Variants in SPTLC3 observed in about 807,000 individuals in gnomAD.
SPTLC3 encodes serine palmitoyltransferase long chain base subunit 3, also known as serine palmitoyltransferase 3.
SPTLC3 carries 36 observed loss-of-function variants against 59.3 expected under a neutral mutation model. That is an observed-to-expected ratio of 0.61 (90% CI 0.47 to 0.80). The LOEUF (loss-of-function observed/expected upper bound fraction) is 0.80. Ranked by LOEUF, SPTLC3 falls within the 30% of genes least tolerant of loss-of-function variation. SPTLC3 has a pLI of 0.00. For missense variants in SPTLC3, 625 were observed against 685.1 expected, an observed-to-expected ratio of 0.91 and a Z score of 0.98; for synonymous variants, 257 against 240.8, an observed-to-expected ratio of 1.07 and a Z score of -0.62.
chr20:13,096,295 A>G (rs1989409536), intron 6 of SPTLC3, among the ~76,000 whole-genome samples: 1 of 152,186 alleles, frequency 6.6e-6, no homozygotes. Flanking sequence ...AAGAGGAATG[A>G]AAGTGTGTGT....
chr20:13,127,236 G>T (rs747186647), intron 9 of SPTLC3, among the ~76,000 whole-genome samples: 1 of 152,156 alleles, frequency 6.6e-6, no homozygotes, highest in Non-Finnish European at 1.5e-5. Context: ...GTGCTACTTT[G>T]CTCAACCCAA....
chr20:13,056,157 G>A (rs1987714508), intron 2 of SPTLC3, among the ~76,000 whole-genome samples: 1 of 152,134 alleles, frequency 6.6e-6, no homozygotes, highest in Admixed American at 6.5e-5. Context: ...TACAAGAACT[G>A]CTCGAACCGC....
intron 8 of SPTLC3, among the ~76,000 whole-genome samples, chr20:13,122,337 C>T (rs1393776878): frequency 2.6e-5 from 4 of 152,192 alleles, no homozygotes; most frequent in African/African-American, 9.7e-5. Flanking sequence ...ATGAGTAGAT[C>T]AGGAACTCCC....
intron 1 of SPTLC3, among the ~76,000 whole-genome samples, chr20:13,013,496 C>T (rs1251172416): frequency 6.6e-6 from 1 of 152,194 alleles, no homozygotes; most frequent in Non-Finnish European, 1.5e-5. Context: ...TCTGAGTCTT[C>T]ATCTTAGTCT....
intron 10 of SPTLC3, among the ~76,000 whole-genome samples, chr20:13,155,031 A>C (rs376262131): frequency 7.2e-5 from 11 of 152,122 alleles, no homozygotes; most frequent in East Asian, 1.9e-4. Context: ...AAATACAAAA[A>C]TTAGGTGGGC....
chr20:13,061,006 A>G (rs906438344), intron 2 of SPTLC3, among the ~76,000 whole-genome samples: 7 of 152,118 alleles, frequency 4.6e-5, no homozygotes, highest in Non-Finnish European at 8.8e-5. Context: ...TGGTAATTCT[A>G]TTTTTAGTTC....
At chr20:13,063,809 C>A (rs1988068402) in intron 2 of SPTLC3, among the ~76,000 whole-genome samples, 1 of 151,472 alleles carries the variant, frequency 6.6e-6, no homozygotes, top group African/African-American at 2.4e-5. Flanking sequence ...CGCCCGCCAC[C>A]ACACCCACTT....
chr20:13,057,594 A>G (rs1418168110), intron 2 of SPTLC3, among the ~76,000 whole-genome samples: 2 of 152,186 alleles, frequency 1.3e-5, no homozygotes, highest in Non-Finnish European at 2.9e-5. Flanking sequence ...CTTTATCTGA[A>G]TCACTTGAGT....
At chr20:13,122,038 C>G (rs2037879185) in intron 8 of SPTLC3, among the ~76,000 whole-genome samples, 1 of 152,130 alleles carries the variant, frequency 6.6e-6, no homozygotes, top group Admixed American at 6.5e-5. Flanking sequence ...GGTCCCCAAG[C>G]TAAGAGACAA....
Position 13,117,578 on chromosome 20 carries a change from A to T in SPTLC3, c.1005A>T (p.Ile335=). 6.2e-7 allele frequency: 1 copy of T among 1,613,408 alleles called. No homozygotes were observed. The highest frequency in any genetic ancestry group is 2.2e-5 in the East Asian group (1 of 44,832). Residue 335 remains isoleucine (I), a synonymous_variant, in exon 8 of 12, where the codon ATA becomes ATT. Coordinates refer to ENST00000399002, the MANE Select transcript of SPTLC3 (RefSeq NM_018327.4). ...LKKKYKAYLY[I]DEAHSIGAVG... Reference sequence around the variant, plus strand: ...AGAAATACAAGGCTTACCTCTACATAGATGAAGCTCACAGTATTGGGGCCG... The same window carrying T: ...AGAAATACAAGGCTTACCTCTACATTGATGAAGCTCACAGTATTGGGGCCG...
At chr20:13,014,554 C>A (rs1985422729) in intron 1 of SPTLC3, among the ~76,000 whole-genome samples, 1 of 152,044 alleles carries the variant, frequency 6.6e-6, no homozygotes. Context: ...TTGTAAAATG[C>A]CTTTGTCTTA....
chr20:13,046,310 A>G (rs2122490338), intron 1 of SPTLC3, among the ~76,000 whole-genome samples: 1 of 152,272 alleles, frequency 6.6e-6, no homozygotes, highest in East Asian at 1.9e-4. Context: ...TGCTCTGGGA[A>G]TTTATGCAGG....
chr20:13,040,734 G>A (rs1301054294), intron 1 of SPTLC3, among the ~76,000 whole-genome samples: 2 of 151,312 alleles, frequency 1.3e-5, no homozygotes, highest in Non-Finnish European at 2.9e-5. Context: ...CTTGCTTTCA[G>A]TCTGAAGACC....
chr20:13,125,743 G>A (rs1438260977), intron 8 of SPTLC3, among the ~76,000 whole-genome samples: 1 of 152,188 alleles, frequency 6.6e-6, no homozygotes, highest in Admixed American at 6.5e-5. Flanking sequence ...GCTGGAGAGA[G>A]TTCTGAGAGG....
chr20:13,043,554 G>C (rs1987086294), intron 1 of SPTLC3, among the ~76,000 whole-genome samples: 3 of 152,166 alleles, frequency 2.0e-5, no homozygotes, highest in Admixed American at 2.0e-4. Flanking sequence ...ATTTTTCAAA[G>C]TGCTACTGAG....
intron 1 of SPTLC3, among the ~76,000 whole-genome samples, chr20:13,041,644 T>C (rs1291037696): frequency 3.9e-5 from 6 of 152,152 alleles, no homozygotes; most frequent in Non-Finnish European, 8.8e-5. Flanking sequence ...TAGATCACAT[T>C]TTTCTGTTTC....
chr20:13,101,559 T>A (rs1989602030), intron 6 of SPTLC3, among the ~76,000 whole-genome samples: 1 of 152,230 alleles, frequency 6.6e-6, no homozygotes, highest in Non-Finnish European at 1.5e-5. Flanking sequence ...ACCCTCAGGC[T>A]GCCCTTGTGC....
chr20:13,072,546 C>T (rs1988483655), intron 3 of SPTLC3, 136 bp downstream of exon 3: 2 of 922,586 alleles, frequency 2.2e-6, no homozygotes, highest in Non-Finnish European at 3.2e-6. Flanking sequence ...CTTTGCAAGC[C>T]CTCCTGATGC....
At chr20:13,064,523 G>C (rs888279953) in intron 2 of SPTLC3, among the ~76,000 whole-genome samples, 18 of 152,180 alleles carry the variant, frequency 1.2e-4, no homozygotes, top group Non-Finnish European at 2.4e-4. Context: ...TCAAACTCCT[G>C]ACCTCAAGCG....
Sources: allele counts gnomAD v4.1 joint callset (sites outside exome capture counted in the v4.1 genomes callset), GRCh38; gene constraint gnomAD v4.1.1; transcripts MANE v1.5; gene names NCBI Gene and HGNC (gene_info 2026-07-23, HGNC 2026-07-21).